Variants in MARCHF10 observed in about 807,000 individuals in gnomAD.
MARCHF10 encodes membrane associated ring-CH-type finger 10.
A neutral mutation model predicts 76.2 loss-of-function variants in MARCHF10; 64 were observed. The observed-to-expected ratio is 0.84, with a 90% CI of 0.69 to 1.03. The LOEUF (loss-of-function observed/expected upper bound fraction) is 1.03. Ranked by LOEUF, MARCHF10 falls within the 50% of genes least tolerant of loss-of-function variation. MARCHF10 has a pLI of 0.00. For synonymous variants in MARCHF10, 340 were observed against 357.5 expected (o/e 0.95, Z 0.55); for missense variants, 875 against 958.0 (o/e 0.91, Z 1.14).
At chr17:62,721,094 C>T (rs1222369819) in intron 8 of MARCHF10, among the ~76,000 whole-genome samples, 1 of 152,158 alleles carries the variant, frequency 6.6e-6, no homozygotes, top group African/African-American at 2.4e-5. Context: ...GTCTCAAACT[C>T]CTGACTTCAA....
chr17:62,790,877 C>G (rs1250999606), intron 2 of MARCHF10, among the ~76,000 whole-genome samples: 1 of 152,188 alleles, frequency 6.6e-6, no homozygotes, highest in African/African-American at 2.4e-5. Flanking sequence ...CCTCCGGGCT[C>G]ATCACAGCAG....
chr17:62,788,683 C>G, intron 2 of MARCHF10, 84 bp from the exon 3 acceptor site: 1 of 1,561,580 alleles, frequency 6.4e-7, no homozygotes. Context: ...TGGTGAGGAG[C>G]ATGAAATAAA....
chr17:62,788,403 C>A, intron 3 of MARCHF10, 77 bp downstream of exon 3: 1 of 1,552,226 alleles, frequency 6.4e-7, no homozygotes, highest in Non-Finnish European at 8.8e-7. Flanking sequence ...CTTTTTCCTA[C>A]ATCACACACA....
chr17:62,757,132 A>T lies in MARCHF10; in HGVS notation c.382+2703T>A, dbSNP rs560708498. Among the ~76,000 whole-genome samples, 138 of 151,454 alleles carry T rather than the reference A, an allele frequency of 9.1e-4. 1 individual carries two copies. The highest frequency in any genetic ancestry group is 3.2e-3 in the African/African-American group (132 of 41,284). ...GTCGAGCCATGTTCCCCAGCTATATATTTTTTTTTCAGTAAAAGTCTGGTA... is the reference window on the plus strand; with the variant it reads ...GTCGAGCCATGTTCCCCAGCTATATTTTTTTTTTTCAGTAAAAGTCTGGTA... On this transcript the variant is annotated intron_variant, in intron 4 of 10. Coordinates refer to ENST00000311269, the MANE Select transcript of MARCHF10 (RefSeq NM_152598.4).
At chr17:62,780,698 T>C (rs3901444) in intron 3 of MARCHF10, among the ~76,000 whole-genome samples, 29,153 of 152,180 alleles carry the variant, frequency 0.19, 7,815 homozygotes, top group African/African-American at 0.6. Context: ...TCTCTACCTT[T>C]CTTCCCCATG....
chr17:62,747,155 A>G (rs2091734534), intron 4 of MARCHF10, among the ~76,000 whole-genome samples: 1 of 152,212 alleles, frequency 6.6e-6, no homozygotes, highest in Non-Finnish European at 1.5e-5. Flanking sequence ...CAGGACAAGT[A>G]TTAATTGCCT....
intron 2 of MARCHF10, among the ~76,000 whole-genome samples, chr17:62,795,569 C>T (rs999020896): frequency 4.9e-4 from 75 of 152,254 alleles, no homozygotes; most frequent in African/African-American, 1.8e-3. Context: ...TAACTCAGGG[C>T]GAGGTTAGCC....
chr17:62,742,357 T>C (rs755026535), intron 5 of MARCHF10, among the ~76,000 whole-genome samples: 53 of 152,222 alleles, frequency 3.5e-4, no homozygotes, highest in Admixed American at 7.8e-4. Context: ...TGTGTTTTTC[T>C]TATTGATTTG....
At chr17:62,713,203 G>A (rs1368224334) in intron 8 of MARCHF10, among the ~76,000 whole-genome samples, 3 of 152,046 alleles carry the variant, frequency 2.0e-5, no homozygotes, top group Admixed American at 1.3e-4. Flanking sequence ...CCTCATCCCC[G>A]GCTTCCTCCT....
Position 62,701,688 on chromosome 17 carries a change from C to T in MARCHF10, c.*15G>A. 6.2e-7 allele frequency: 1 copy of T among 1,614,052 alleles called. No individual in the cohort carries two copies. Among genetic ancestry groups the T allele is most frequent in the African/African-American group, 1.3e-5 (1 of 75,056 alleles). The stretch of plus-strand genomic sequence containing the variant: ...CGGGAGAGGTCTCCGCCGAGCTCCA[C>T]AGTTGGCTTCCTTGCTAGACGACCT... On this transcript the variant is annotated 3_prime_UTR_variant, in exon 11 of 11. Coordinates refer to ENST00000311269, the MANE Select transcript of MARCHF10 (RefSeq NM_152598.4).
In MARCHF10 at chr17:62,802,949, T is replaced by C. The variant is rs554200075; in HGVS notation, c.-17-1197A>G. Among the ~76,000 whole-genome samples, 6 of 152,342 alleles carry C rather than the reference T, an allele frequency of 3.9e-5. No homozygotes were observed. The South Asian group carries it at 1.2e-3, about 32-fold the overall frequency. On this transcript the variant is annotated intron_variant, in intron 1 of 10. Transcript: ENST00000311269. ...AAGTAAATGATTAGATTCGTGTTTT[T>C]ATTTATTTGTTAATTCTTTTTCTTA...
intron 3 of MARCHF10, among the ~76,000 whole-genome samples, chr17:62,760,864 GGGC>G (rs1396954365): frequency 5.3e-5 from 8 of 152,304 alleles, no homozygotes; most frequent in African/African-American, 1.9e-4. Flanking sequence ...GGGTGGAGGG[GGGC>G]ACTAAGCTCT....
intron 5 of MARCHF10, 178 bp from the exon 6 acceptor site, chr17:62,737,510 C>A: frequency 1.6e-6 from 1 of 626,210 alleles, no homozygotes; most frequent in Non-Finnish European, 2.8e-6. Context: ...CTTCATTTTA[C>A]TGCCCCGTAT....
intron 3 of MARCHF10, among the ~76,000 whole-genome samples, chr17:62,781,960 G>C (rs1172892875): frequency 1.3e-5 from 2 of 152,174 alleles, no homozygotes; most frequent in African/African-American, 2.4e-5. Context: ...TTACAAATCA[G>C]AGGCAAATGC....
chr17:62,792,706 CTACAACCAT>C, intron 2 of MARCHF10, among the ~76,000 whole-genome samples: 1 of 148,104 alleles, frequency 6.8e-6, no homozygotes, highest in South Asian at 2.2e-4. Context: ...ACCTCCATCA[CTACAACCAT>C]CACCACCACC....
chr17:62,788,405 T>C, intron 3 of MARCHF10, 75 bp downstream of exon 3: 1 of 1,521,862 alleles, frequency 6.6e-7, no homozygotes, highest in Non-Finnish European at 9.0e-7. Flanking sequence ...TTTTCCTACA[T>C]CACACACACA....
At chr17:62,706,715 C>T (rs2089616979) in intron 9 of MARCHF10, among the ~76,000 whole-genome samples, 1 of 152,142 alleles carries the variant, frequency 6.6e-6, no homozygotes, top group Non-Finnish European at 1.5e-5. Flanking sequence ...TGAAGTTTTC[C>T]ACCATTAACG....
At chr17:62,725,136 A>G (rs1259253447) in intron 6 of MARCHF10, 32 bp from the exon 7 acceptor site, 1 of 1,544,512 alleles carries the variant, frequency 6.5e-7, no homozygotes, top group Non-Finnish European at 8.7e-7. Context: ...CGTGACCAGG[A>G]GGCTACACGT....
intron 5 of MARCHF10, among the ~76,000 whole-genome samples, chr17:62,744,147 C>A (rs187632123): frequency 1.3e-5 from 2 of 151,988 alleles, no homozygotes; most frequent in African/African-American, 4.8e-5. Context: ...AAAAAGATAT[C>A]CCCCCCGACC....
Sources: allele counts gnomAD v4.1 joint callset (sites outside exome capture counted in the v4.1 genomes callset), GRCh38; gene constraint gnomAD v4.1.1; transcripts MANE v1.5; gene names NCBI Gene and HGNC (gene_info 2026-07-23, HGNC 2026-07-21).